Variants in DNAH9 observed in about 807,000 individuals in gnomAD.
The protein encoded by DNAH9 is dynein axonemal heavy chain 9.
Under a neutral mutation model 471.6 loss-of-function variants are expected in DNAH9, and 345 were observed. The observed-to-expected ratio is 0.73, with a 90% CI of 0.67 to 0.80. DNAH9 has a LOEUF of 0.80. Among genes scored for constraint, DNAH9 ranks in the 30% least tolerant of loss-of-function variants. The pLI is 0.00. For synonymous variants in DNAH9, 2,093 were observed against 2,123.6 expected, an observed-to-expected ratio of 0.99 and a Z score of 0.40; for missense variants, 5,407 against 5,609.2, an observed-to-expected ratio of 0.96 and a Z score of 1.15.
chr17:11,836,732 C>G (rs955534615), intron 49 of DNAH9, among the ~76,000 whole-genome samples: 1 of 152,230 alleles, frequency 6.6e-6, no homozygotes, highest in African/African-American at 2.4e-5. Flanking sequence ...CATTCCAGAT[C>G]CATGCCTTCT....
At chr17:11,656,767 C>T (rs988674975) in intron 14 of DNAH9, among the ~76,000 whole-genome samples, 6 of 152,094 alleles carry the variant, frequency 3.9e-5, no homozygotes, top group Admixed American at 1.3e-4. Flanking sequence ...CATTCTCCTG[C>T]GAGCCTCAAT....
At chr17:11,720,490 T>C (rs950428251) in intron 27 of DNAH9, among the ~76,000 whole-genome samples, 1 of 152,206 alleles carries the variant, frequency 6.6e-6, no homozygotes, top group Non-Finnish European at 1.5e-5. Flanking sequence ...GTATGTGTTT[T>C]TGTAAACTGC....
chr17:11,627,423 T>A (rs1465942775), intron 6 of DNAH9, among the ~76,000 whole-genome samples: 3 of 152,236 alleles, frequency 2.0e-5, no homozygotes, highest in Non-Finnish European at 4.4e-5. Flanking sequence ...TGGTACGAAG[T>A]ATTTCCTAGA....
At position 11,942,473 on chromosome 17, in the gene DNAH9, G is replaced by T. The variant is rs1330636430; in HGVS notation, c.12831G>T (p.Glu4277Asp). 6.2e-7 allele frequency: 1 copy of T among 1,613,858 alleles called. No homozygotes were observed. Among genetic ancestry groups the T allele is most frequent in the Non-Finnish European group, 8.5e-7 (1 of 1,179,978 alleles). ...REIQRSLREL[E>D]LGLKGELTMT... ...TTCAGCGCTCACTGAGGGAGCTGGA[G>T]CTCGGCTTAAAGGTGAGCGCGGTCT... The change falls in exon 67 of 69, where the codon GAG (glutamate) becomes GAT (aspartate). Residue 4277 changes from glutamate (E) to aspartate (D), a missense_variant. Coordinates refer to ENST00000262442, the MANE Select transcript of DNAH9 (RefSeq NM_001372.4).
chr17:11,685,036 C>CA (rs752037654), intron 19 of DNAH9, among the ~76,000 whole-genome samples: 4 of 152,070 alleles, frequency 2.6e-5, no homozygotes, highest in Non-Finnish European at 5.9e-5. Context: ...GTGGAGCCAG[C>CA]AAAAAAGGAT....
At chr17:11,697,416 T>A (rs867640225) in intron 22 of DNAH9, among the ~76,000 whole-genome samples, 53 of 152,164 alleles carry the variant, frequency 3.5e-4, no homozygotes, top group Non-Finnish European at 7.1e-4. Context: ...TTAAAAAAAA[T>A]TTCTAGATAG....
intron 35 of DNAH9, among the ~76,000 whole-genome samples, chr17:11,761,192 T>C (rs201792557): frequency 3.3e-4 from 16 of 49,140 alleles, no homozygotes; most frequent in African/African-American, 1.2e-3. Context: ...AGTCACACAG[T>C]CATACATACA....
intron 2 of DNAH9, 114 bp from the exon 3 acceptor site, chr17:11,610,282 T>G (rs1020484087): frequency 2.4e-5 from 20 of 816,500 alleles, no homozygotes; most frequent in Non-Finnish European, 3.5e-5. Context: ...AGATGAAATT[T>G]CTCACCTATT....
intron 10 of DNAH9, among the ~76,000 whole-genome samples, chr17:11,640,766 A>AT (rs2073256594): frequency 6.6e-6 from 1 of 152,160 alleles, no homozygotes; most frequent in Admixed American, 6.5e-5. Context: ...GTGCAGTATG[A>AT]GGTCTCTGTC....
At chr17:11,662,215 A>G (rs1018777795) in intron 14 of DNAH9, among the ~76,000 whole-genome samples, 1 of 152,102 alleles carries the variant, frequency 6.6e-6, no homozygotes, top group African/African-American at 2.4e-5. Context: ...TATTTATCTC[A>G]GGCTGCTTTT....
intron 66 of DNAH9, among the ~76,000 whole-genome samples, chr17:11,941,645 T>C (rs1441544902): frequency 6.6e-6 from 1 of 151,874 alleles, no homozygotes; most frequent in Non-Finnish European, 1.5e-5. Context: ...AACTCAAGGA[T>C]AGAAACTGCA....
rs566481231 is a variant in DNAH9 at position 11,722,028 on chromosome 17, C to T, written c.5709+2538C>T. Among the ~76,000 whole-genome samples, 20 of 152,264 alleles carry T rather than the reference C, an allele frequency of 1.3e-4. No homozygotes were observed. The South Asian group carries it at 4.1e-3, about 32-fold the overall frequency. On this transcript the variant is annotated intron_variant, in intron 27 of 68. Transcript: ENST00000262442. ...AGTTCTATGTGTGGCCAATATCTGT[C>T]CCCAGCCCTCATTCTGACTTCACCC... is the stretch of plus-strand genomic sequence containing the variant.
chr17:11,933,845 T>C (rs2151037848), intron 64 of DNAH9, 35 bp from the exon 65 acceptor site: 1 of 1,588,198 alleles, frequency 6.3e-7, no homozygotes, highest in Non-Finnish European at 8.6e-7. Flanking sequence ...TGGAGGTCTT[T>C]CTTCCTTCCT....
intron 30 of DNAH9, among the ~76,000 whole-genome samples, chr17:11,742,627 C>T (rs2075449074): frequency 1.3e-5 from 2 of 152,148 alleles, no homozygotes; most frequent in African/African-American, 4.8e-5. Context: ...TGGTCTGTAC[C>T]TGAAGGGGCA....
At position 11,608,270 on chromosome 17, in the gene DNAH9, C is replaced by T. The variant is rs2072552723; in HGVS notation, c.559C>T (p.Pro187Ser). 1.2e-6 allele frequency: 2 copies of T among 1,613,650 alleles called. No individual in the cohort carries two copies. Among genetic ancestry groups the T allele is most frequent in the Middle Eastern group, 1.7e-4 (1 of 6,060 alleles). ...GCAAGTGAAGGGAAAAACTTTGCTG[C>T]CTCTTCCAGCAGGCTCAGAAAAAAT... is the stretch of plus-strand genomic sequence containing the variant. ...LEQVKGKTLL[P>S]LPAGSEKMEF... is the part of the protein sequence containing the mutation. The change falls in exon 2 of 69, where the codon CCT becomes TCT. Residue 187 changes from proline to serine, a missense_variant. Transcript: ENST00000262442.
chr17:11,747,713 C>A lies in DNAH9; in HGVS notation c.6557C>A (p.Thr2186Lys), dbSNP rs748760499. 1 of 1,614,142 alleles carries A rather than the reference C, an allele frequency of 6.2e-7. No homozygotes were observed. The highest frequency in any genetic ancestry group is 8.5e-7 in the Non-Finnish European group (1 of 1,180,026). The change falls in exon 32 of 69, where the codon ACA becomes AAA. Residue 2186 changes from threonine to lysine, a missense_variant. Coordinates refer to ENST00000262442, the MANE Select transcript of DNAH9 (RefSeq NM_001372.4). Reference protein sequence around the residue: ...VWTDLNPKAVTNDELFGIINP... With the variant: ...VWTDLNPKAVKNDELFGIINP... ...ACTGACCTCAATCCCAAAGCAGTCA[C>A]AAATGATGAGCTCTTTGGCATCATC... is the stretch of plus-strand genomic sequence containing the variant.
At chr17:11,768,358 G>A in intron 36 of DNAH9, 95 bp from the exon 37 acceptor site, 1 of 1,301,452 alleles carries the variant, frequency 7.7e-7, no homozygotes, top group Non-Finnish European at 1.1e-6. Context: ...GGAGCACGTT[G>A]TCCTGCCCTG....
At chr17:11,675,892 T>G (rs1478046237) in intron 17 of DNAH9, among the ~76,000 whole-genome samples, 7 of 152,204 alleles carry the variant, frequency 4.6e-5, no homozygotes, top group Non-Finnish European at 1.0e-4. Flanking sequence ...AATTTTCTTT[T>G]TTTTTTCCTG....
chr17:11,907,312 A>G (rs1413547591), intron 61 of DNAH9, among the ~76,000 whole-genome samples: 2 of 152,166 alleles, frequency 1.3e-5, no homozygotes, highest in African/African-American at 4.8e-5. Context: ...CTCTACTAAA[A>G]ATACAAAATT....
Sources: gnomAD v4.1 joint callset for allele counts (sites outside exome capture counted in the v4.1 genomes callset) on GRCh38, gnomAD v4.1.1 for gene constraint, MANE v1.5 for transcripts, NCBI Gene and HGNC (gene_info 2026-07-23, HGNC 2026-07-21) for gene names.